KIF13B: variants seen among roughly 807,000 people sequenced by gnomAD.
KIF13B encodes the protein kinesin family member 13B.
In KIF13B, 127 loss-of-function variants were observed where a neutral mutation model predicts 222.0. That is an observed-to-expected ratio of 0.57 (90% CI 0.50 to 0.66). The LOEUF is 0.66. KIF13B is among the 30% of genes least tolerant of loss of function. The pLI, the probability that KIF13B is intolerant of heterozygous loss-of-function variation, is 0.00. For synonymous variants in KIF13B, 976 were observed against 919.0 expected (o/e 1.06, Z -1.12); for missense variants, 2,173 against 2,379.0 (o/e 0.91, Z 1.80).
At chr8:29,219,119 G>C (rs1273196552) in intron 2 of KIF13B, 1 of 152,232 alleles carries the variant, frequency 6.6e-6, no homozygotes, top group Non-Finnish European at 1.5e-5. Context: ...CAAAAAAGAA[G>C]TTCCAGGATC....
intron 38 of KIF13B, among the ~76,000 whole-genome samples, chr8:29,074,616 G>A (rs1807465859): frequency 6.6e-6 from 1 of 152,252 alleles, no homozygotes. Context: ...GAAGAGACCG[G>A]CACCATTCCC....
intron 14 of KIF13B, among the ~76,000 whole-genome samples, chr8:29,155,122 G>GTAC (rs1811461146): frequency 6.6e-6 from 1 of 152,022 alleles, no homozygotes; most frequent in South Asian, 2.1e-4. Flanking sequence ...AAGTTCCTGT[G>GTAC]TACTAGTCTC....
intron 24 of KIF13B, among the ~76,000 whole-genome samples, chr8:29,129,086 T>G (rs1450388487): frequency 1.3e-5 from 2 of 152,170 alleles, no homozygotes; most frequent in Admixed American, 6.5e-5. Flanking sequence ...TGCCATCATA[T>G]AAGAAAAATC....
rs753856156 is a variant in KIF13B, at chr8:29,146,475, A to G, written c.2090T>C (p.Val697Ala). 1 of 1,613,588 alleles carries G rather than the reference A, an allele frequency of 6.2e-7. No homozygotes were observed. The highest frequency in any genetic ancestry group is 1.1e-5 in the South Asian group (1 of 91,070). Residue 697 changes from valine (V) to alanine (A), a missense_variant, in exon 18 of 40, where the codon GTG becomes GCG. Val to Ala is a moderately conservative substitution (Grantham distance 64). Around this residue, in one of 2 missense-constraint regions of KIF13B, gnomAD observed 1,480 missense variants for 1,722.8 expected, o/e 0.86. Transcript: ENST00000524189. ...CTCAGCAATGTAATTAGCTTCTCTC[A>G]CCAATAGATTGGCCTTAACAATTTG... ...REQIVKANLL[V>A]REANYIAEEL...
chr8:29,218,719 T>C (rs954407963), intron 2 of KIF13B, among the ~76,000 whole-genome samples: 2 of 152,192 alleles, frequency 1.3e-5, no homozygotes, highest in Non-Finnish European at 2.9e-5. Flanking sequence ...AGTCATGGAT[T>C]ATATAAAGCA....
At chr8:29,228,472 A>AAAATATATACATAT in intron 2 of KIF13B, among the ~76,000 whole-genome samples, 4 of 117,086 alleles carry the variant, frequency 3.4e-5, no homozygotes, top group African/African-American at 6.5e-5. Context: ...ATCTTAAAAA[A>AAAATATATACATAT]ATATATATAT....
At chr8:29,221,615 A>G (rs1301520538) in intron 2 of KIF13B, among the ~76,000 whole-genome samples, 1 of 152,220 alleles carries the variant, frequency 6.6e-6, no homozygotes, top group East Asian at 1.9e-4. Context: ...TGATTTTAAT[A>G]TGAATCTTAA....
Position 29,140,145 on chromosome 8 carries a change from A to C in KIF13B, c.2531T>G (p.Val844Gly). 1 of 1,613,686 alleles carries C rather than the reference A, an allele frequency of 6.2e-7. No homozygotes were observed. The highest frequency in any genetic ancestry group is 8.5e-7 in the Non-Finnish European group (1 of 1,179,822). The change falls in exon 21 of 40, where the codon GTT (valine) becomes GGT (glycine). Residue 844 changes from valine (V) to glycine (G), a missense_variant. Val to Gly is a moderately radical substitution (Grantham distance 109, BLOSUM62 -3). Coordinates refer to ENST00000524189, the MANE Select transcript of KIF13B (RefSeq NM_015254.4). ...ATCGCCTCCTGCGATCCTCTCCCCA[A>C]CATCACCACTGAGTCGCATCACCTC... The part of the protein sequence containing the change: ...HVEVMRLSGD[V>G]GERIAGGDEV...
intron 35 of KIF13B, among the ~76,000 whole-genome samples, chr8:29,104,305 A>G (rs977030922): frequency 2.0e-5 from 3 of 151,826 alleles, no homozygotes; most frequent in Non-Finnish European, 4.4e-5. Flanking sequence ...GGACCTATAC[A>G]CTGCTGTCCA....
At chr8:29,104,905 C>A (rs1051167304) in intron 35 of KIF13B, among the ~76,000 whole-genome samples, 1 of 151,758 alleles carries the variant, frequency 6.6e-6, no homozygotes. Flanking sequence ...CCACCTCGCC[C>A]GGCTAATTTT....
chr8:29,078,473 C>T (rs1447326756), intron 37 of KIF13B, among the ~76,000 whole-genome samples: 1 of 152,134 alleles, frequency 6.6e-6, no homozygotes, highest in Non-Finnish European at 1.5e-5. Flanking sequence ...TGTGCTCATC[C>T]TTCACACGTA....
chr8:29,198,933 G>A (rs1455597713), intron 2 of KIF13B, among the ~76,000 whole-genome samples: 2 of 152,092 alleles, frequency 1.3e-5, no homozygotes, highest in African/African-American at 4.8e-5. Flanking sequence ...GGGAGCAGGA[G>A]GGGTGAAGGA....
chr8:29,258,856 C>T (rs1173164309), intron 1 of KIF13B, among the ~76,000 whole-genome samples: 2 of 152,178 alleles, frequency 1.3e-5, no homozygotes, highest in Non-Finnish European at 2.9e-5. Flanking sequence ...AATCTTTTCA[C>T]AGGCATTTTC....
intron 1 of KIF13B, among the ~76,000 whole-genome samples, chr8:29,256,061 C>G (rs1225973233): frequency 6.6e-6 from 1 of 152,220 alleles, no homozygotes; most frequent in Non-Finnish European, 1.5e-5. Flanking sequence ...ATCCATCCAC[C>G]TGGCTGCACT....
At chr8:29,101,341 G>A (rs1808776332) in intron 35 of KIF13B, among the ~76,000 whole-genome samples, 1 of 152,122 alleles carries the variant, frequency 6.6e-6, no homozygotes, top group Admixed American at 6.5e-5. Flanking sequence ...TAATTTGAGA[G>A]TATTGTTTCA....
At chr8:29,250,362 T>A (rs984489467) in intron 1 of KIF13B, among the ~76,000 whole-genome samples, 1 of 152,204 alleles carries the variant, frequency 6.6e-6, no homozygotes, top group African/African-American at 2.4e-5. Context: ...TTCTCTCATA[T>A]GCTCTTAACA....
chr8:29,098,116 A>C (rs533960066), intron 36 of KIF13B, among the ~76,000 whole-genome samples: 50 of 144,100 alleles, frequency 3.5e-4, no homozygotes, highest in African/African-American at 1.1e-3. Flanking sequence ...GGTTGCAGTG[A>C]GCCGAGATCG....
chr8:29,263,208 C>T (rs1816756660), upstream of KIF13B: 1 of 579,458 alleles, frequency 1.7e-6, no homozygotes, highest in South Asian at 2.3e-5. Context: ...CTTGTAGTTC[C>T]CCAGGGTCGT....
At chr8:29,085,705 C>CCTTTTTTT (rs1243079346) in intron 37 of KIF13B, among the ~76,000 whole-genome samples, 1 of 48,722 alleles carries the variant, frequency 2.1e-5, no homozygotes, top group African/African-American at 7.7e-5. Context: ...AAATACTCTT[C>CCTTTTTTT]TTTTTTTTTT....
Sources: allele counts gnomAD v4.1 joint callset (sites outside exome capture counted in the v4.1 genomes callset), GRCh38; gene constraint gnomAD v4.1.1; regional missense constraint gnomAD v4.1.1; transcripts MANE v1.5; gene names NCBI Gene and HGNC (gene_info 2026-07-23, HGNC 2026-07-21).